Variants in LPA observed in about 807,000 individuals in gnomAD.
LPA encodes the protein lipoprotein(a).
A neutral mutation model predicts 197.9 loss-of-function variants in LPA; 199 were observed. The ratio of observed to expected loss-of-function variants is 1.01; its 90% CI spans 0.90 to 1.13. The LOEUF is 1.13. Ranked by LOEUF, LPA falls within the 50% of genes most tolerant of loss-of-function variation. LPA has a pLI of 0.00. For synonymous variants in LPA, 715 were observed against 639.5 expected, an observed-to-expected ratio of 1.12 and a Z score of -1.78; for missense variants, 1,853 against 1,785.8, an observed-to-expected ratio of 1.04 and a Z score of -0.68.
At chr6:160,626,459 TG>T (rs1779652817) in intron 10 of LPA, among the ~76,000 whole-genome samples, 2 of 124,830 alleles carry the variant, frequency 1.6e-5, no homozygotes, top group Non-Finnish European at 1.7e-5. Context: ...TTTGTGTGTG[TG>T]TGTGTGTGTG....
At chr6:160,555,854 A>G (rs1282858588) in intron 30 of LPA, among the ~76,000 whole-genome samples, 171 bp downstream of exon 30, 4 of 152,142 alleles carry the variant, frequency 2.6e-5, no homozygotes. Context: ...AGCAAGCCTA[A>G]AATACCTATT....
chr6:160,659,640 G>A (rs1281308101), intron 1 of LPA, among the ~76,000 whole-genome samples: 1 of 152,210 alleles, frequency 6.6e-6, no homozygotes, highest in Non-Finnish European at 1.5e-5. Context: ...AGCTGAAATG[G>A]CAGAGGGGCT....
intron 28 of LPA, among the ~76,000 whole-genome samples, chr6:160,573,680 G>A (rs192299325): frequency 2.6e-5 from 4 of 152,276 alleles, no homozygotes; most frequent in African/African-American, 9.6e-5. Flanking sequence ...GAACTGCAGT[G>A]ATTATTGCCT....
intron 1 of LPA, among the ~76,000 whole-genome samples, chr6:160,652,627 A>C (rs988139791): frequency 3.4e-4 from 51 of 152,154 alleles, no homozygotes; most frequent in Middle Eastern, 3.2e-3. Context: ...GAAATGGTAA[A>C]ATAAAGAAAT....
At chr6:160,543,810 G>T (rs1249233760) in intron 33 of LPA, among the ~76,000 whole-genome samples, 1 of 152,156 alleles carries the variant, frequency 6.6e-6, no homozygotes, top group East Asian at 1.9e-4. Context: ...AAATGAAATA[G>T]TTATTAAACT....
intron 28 of LPA, among the ~76,000 whole-genome samples, chr6:160,567,573 C>T (rs1424664493): frequency 6.6e-6 from 1 of 152,018 alleles, no homozygotes; most frequent in Non-Finnish European, 1.5e-5. Flanking sequence ...CCTAACATCA[C>T]CATTAAAAGA....
At chr6:160,601,197 T>C (rs931866082) in intron 18 of LPA, 99 bp from the exon 19 acceptor site, 15 of 1,038,532 alleles carry the variant, frequency 1.4e-5, no homozygotes, top group Non-Finnish European at 2.1e-5. Flanking sequence ...GCCTTTGAAA[T>C]ATTCCCAAAA....
intron 28 of LPA, among the ~76,000 whole-genome samples, chr6:160,559,397 A>G (rs528209350): frequency 6.6e-6 from 1 of 152,132 alleles, no homozygotes; most frequent in African/African-American, 2.4e-5. Context: ...GTTGCAAATT[A>G]TTTTTTCATT....
At chr6:160,569,253 A>C (rs1778518662) in intron 28 of LPA, among the ~76,000 whole-genome samples, 1 of 152,224 alleles carries the variant, frequency 6.6e-6, no homozygotes, top group African/African-American at 2.4e-5. Flanking sequence ...TACAGTAACC[A>C]AAACAGCATG....
At chr6:160,540,249 G>A in intron 35 of LPA, 66 bp from the exon 36 acceptor site, 3 of 1,602,362 alleles carry the variant, frequency 1.9e-6, no homozygotes, top group Non-Finnish European at 8.5e-7. Flanking sequence ...TCTGTGCCAT[G>A]AACTTGGCGC....
chr6:160,646,618 A>G (rs1342121142), intron 2 of LPA, among the ~76,000 whole-genome samples: 1 of 103,452 alleles, frequency 9.7e-6, no homozygotes, highest in Non-Finnish European at 1.9e-5. Flanking sequence ...TAAATAAAAA[A>G]TCTAAAGTAG....
intron 22 of LPA, among the ~76,000 whole-genome samples, chr6:160,593,343 C>A (rs1042792725): frequency 6.6e-5 from 10 of 152,188 alleles, no homozygotes; most frequent in African/African-American, 2.4e-4. Context: ...TCCTTCATGG[C>A]AGAAACGCTG....
intron 30 of LPA, among the ~76,000 whole-genome samples, chr6:160,553,952 T>TGTGTGTGTGTGTGTGTGTGC (rs1362760105): frequency 2.0e-4 from 23 of 117,070 alleles, no homozygotes; most frequent in African/African-American, 8.6e-4. Flanking sequence ...TGTGTGTGTG[T>TGTGTGTGTGTGTGTGTGTGC]GTGCGCGCGC....
In LPA at chr6:160,542,718, G is replaced by A. The variant is rs1386690525; in HGVS notation, c.5489C>T (p.Ser1830Phe). The change falls in exon 34 of 39, where the codon TCC becomes TTC. Residue 1830 changes from serine (S) to phenylalanine (F), a missense_variant. Around this residue, in one of 3 missense-constraint regions of LPA, gnomAD observed 1,737 missense variants for 1,504.4 expected, o/e 1.15. Transcript: ENST00000316300. Reference sequence around the variant, plus strand: ...TCTGAGACTGACTTGCCAGGGCCAGGAATGTGGGTGGGCCACACACCCCCC... The same window carrying A: ...TCTGAGACTGACTTGCCAGGGCCAGAAATGTGGGTGGGCCACACACCCCCC... ...IVGGCVAHPH[S>F]WPWQVSLRTR... The A allele has an allele frequency of 6.2e-7, 1 of 1,613,944 alleles. No individual in the cohort carries two copies. Among genetic ancestry groups the A allele is most frequent in the Admixed American group, 1.7e-5 (1 of 60,000 alleles).
intron 16 of LPA, among the ~76,000 whole-genome samples, chr6:160,607,123 G>GA (rs1032990152): frequency 4.9e-4 from 74 of 152,084 alleles, no homozygotes; most frequent in Middle Eastern, 6.8e-3. Context: ...TAGTTCTTCA[G>GA]AAAAAACATG....
At chr6:160,534,924 T>C (rs907092700) in intron 37 of LPA, among the ~76,000 whole-genome samples, 10 of 151,834 alleles carry the variant, frequency 6.6e-5, no homozygotes, top group African/African-American at 2.4e-4. Flanking sequence ...ATGGTGATAG[T>C]GATGGTGTTA....
chr6:160,589,507 T>G, intron 24 of LPA, 46 bp downstream of exon 24: 1 of 1,608,168 alleles, frequency 6.2e-7, no homozygotes, highest in Non-Finnish European at 8.5e-7. Flanking sequence ...CCAGGAGAAA[T>G]TTAAGTGGGT....
intron 4 of LPA, among the ~76,000 whole-genome samples, chr6:160,643,100 G>GTT (rs1779867944): frequency 6.7e-6 from 1 of 148,932 alleles, no homozygotes; most frequent in South Asian, 2.2e-4. Flanking sequence ...GTGTGTGTGT[G>GTT]TGTGTGTGTG....
In LPA at chr6:160,606,863, T is replaced by TA. The variant is rs200809852; in HGVS notation, c.2604-206dup. On this transcript the variant is annotated intron_variant, in intron 16 of 38. Transcript: ENST00000316300. ...TCTCATACTTAAAAGATTATTATTA[T>TA]AAAAAAAAATCTAAAGTAGCAAACG... 1.4e-3 allele frequency among the ~76,000 whole-genome samples: 206 copies of TA among 151,502 alleles called. 1 individual carries two copies. Among genetic ancestry groups the TA allele is most frequent in the African/African-American group, 2.5e-3 (103 of 41,324 alleles).
Sources: allele counts gnomAD v4.1 joint callset (sites outside exome capture counted in the v4.1 genomes callset), GRCh38; gene constraint gnomAD v4.1.1; regional missense constraint gnomAD v4.1.1; transcripts MANE v1.5; gene names NCBI Gene and HGNC (gene_info 2026-07-23, HGNC 2026-07-21).